Variants in HS3ST5 observed in about 807,000 individuals in gnomAD.
The protein encoded by HS3ST5 is heparan sulfate-glucosamine 3-sulfotransferase 5.
HS3ST5 carries 10 observed loss-of-function variants against 25.4 expected under a neutral mutation model. The ratio of observed to expected loss-of-function variants is 0.39; its 90% CI spans 0.24 to 0.67. The LOEUF is 0.67. Ranked by LOEUF, HS3ST5 falls within the 30% of genes least tolerant of loss-of-function variation. HS3ST5 has a pLI of 0.44. For synonymous variants in HS3ST5, 170 were observed against 162.4 expected (o/e 1.05, Z -0.36); for missense variants, 324 against 420.7 (o/e 0.77, Z 2.01).
chr6:114,076,768 C>A, intron 3 of HS3ST5, among the ~76,000 whole-genome samples: 1 of 152,078 alleles, frequency 6.6e-6, no homozygotes, highest in East Asian at 1.9e-4. Context: ...GAACAGGGCA[C>A]AAAAAGCAGT....
intron 2 of HS3ST5, among the ~76,000 whole-genome samples, chr6:114,195,658 T>C (rs903116706): frequency 6.6e-6 from 1 of 152,076 alleles, no homozygotes; most frequent in East Asian, 1.9e-4. Context: ...TTAATAAATA[T>C]GCAATTAGGT....
chr6:114,228,894 T>G (rs1383496965), intron 1 of HS3ST5, 116 bp from the exon 2 acceptor site: 1 of 152,248 alleles, frequency 6.6e-6, no homozygotes, highest in Admixed American at 6.5e-5. Flanking sequence ...TGCTGCTCCC[T>G]GATTTAGCAG....
intron 1 of HS3ST5, among the ~76,000 whole-genome samples, chr6:114,318,041 C>T (rs193040497): frequency 5.3e-5 from 8 of 152,226 alleles, no homozygotes; most frequent in African/African-American, 1.2e-4. Flanking sequence ...ATACAACTGG[C>T]GAGAGTTAAG....
chr6:114,179,043 G>A (rs922166556), intron 2 of HS3ST5: 1 of 152,184 alleles, frequency 6.6e-6, no homozygotes, highest in East Asian at 1.9e-4. Flanking sequence ...TCCCAGTCAA[G>A]GACTGTATGA....
Position 114,090,664 on chromosome 6 carries a change from A to G in HS3ST5, c.-32-27787T>C, listed in dbSNP as rs543417349. 2.6e-5 allele frequency among the ~76,000 whole-genome samples: 4 copies of G among 152,246 alleles called. No homozygotes were observed. In the East Asian group the frequency reaches 7.7e-4, roughly 29 times the overall value. On this transcript the variant is annotated intron_variant, in intron 3 of 4. Coordinates refer to ENST00000312719, the MANE Select transcript of HS3ST5 (RefSeq NM_153612.4). ...TTCTCCCATTTCCTTTTTGGGTACTATGGATAGTTTGCAAAAAAATGCCAA... is the reference window on the plus strand; with the variant it reads ...TTCTCCCATTTCCTTTTTGGGTACTGTGGATAGTTTGCAAAAAAATGCCAA...
chr6:114,103,592 A>T (rs1480944350), intron 3 of HS3ST5, among the ~76,000 whole-genome samples: 3 of 148,298 alleles, frequency 2.0e-5, no homozygotes, highest in African/African-American at 4.9e-5. Context: ...TTTTAAATTA[A>T]TTTTTTTTTT....
intron 1 of HS3ST5, among the ~76,000 whole-genome samples, chr6:114,258,725 A>G (rs999655822): frequency 1.3e-5 from 2 of 152,072 alleles, no homozygotes; most frequent in African/African-American, 2.4e-5. Flanking sequence ...ACTGTTGGGT[A>G]TTCTGACCTC....
At chr6:114,261,720 T>C (rs773401205) in intron 1 of HS3ST5, among the ~76,000 whole-genome samples, 5 of 152,222 alleles carry the variant, frequency 3.3e-5, no homozygotes, top group African/African-American at 4.8e-5. Flanking sequence ...TTAATATTCT[T>C]ACATTAGATA....
intron 2 of HS3ST5, among the ~76,000 whole-genome samples, chr6:114,227,490 C>A (rs967077143): frequency 1.4e-4 from 21 of 151,854 alleles, no homozygotes; most frequent in East Asian, 9.7e-4. Flanking sequence ...ATAAAAAAAA[C>A]CTTTTGTAAA....
chr6:114,140,358 T>C (rs1478509864), intron 3 of HS3ST5, among the ~76,000 whole-genome samples: 1 of 152,210 alleles, frequency 6.6e-6, no homozygotes, highest in African/African-American at 2.4e-5. Context: ...TTAACATAAA[T>C]GCATTTAAAA....
In HS3ST5 at chr6:114,342,618, G is replaced by A. The variant is rs1776936136; in HGVS notation, c.-762C>T. 6.5e-6 allele frequency: 1 copy of A among 153,404 alleles called. No individual in the cohort carries two copies. Among genetic ancestry groups the A allele is most frequent in the African/African-American group, 2.4e-5 (1 of 41,566 alleles). The allele number at this position is 153,404 out of a possible 1,614,324, so 9.5% of individuals were successfully genotyped here. On this transcript the variant is annotated 5_prime_UTR_variant, in exon 1 of 5. Transcript: ENST00000312719. ...AGGAGCCGGAGTCCGCGCAGTGCCG[G>A]AGACCGCAGCCGCTCTGCGGGGGGA...
At chr6:114,142,608 A>G (rs1777965557) in intron 3 of HS3ST5, among the ~76,000 whole-genome samples, 1 of 152,250 alleles carries the variant, frequency 6.6e-6, no homozygotes, top group African/African-American at 2.4e-5. Flanking sequence ...ATCAATAGAT[A>G]TAATCATCTT....
At chr6:114,143,332 A>C (rs1215892257) in intron 3 of HS3ST5, among the ~76,000 whole-genome samples, 3 of 152,216 alleles carry the variant, frequency 2.0e-5, no homozygotes. Context: ...CTAGCATAAT[A>C]ATGATTATCA....
intron 2 of HS3ST5, among the ~76,000 whole-genome samples, chr6:114,188,665 G>T (rs1261329272): frequency 6.6e-6 from 1 of 151,852 alleles, no homozygotes; most frequent in African/African-American, 2.4e-5. Flanking sequence ...TTGAAATTTT[G>T]GCTTTAGGCA....
At chr6:114,307,443 A>G (rs1201723671) in intron 1 of HS3ST5, among the ~76,000 whole-genome samples, 1 of 149,088 alleles carries the variant, frequency 6.7e-6, no homozygotes, top group Non-Finnish European at 1.5e-5. Context: ...TTTTTTCTTT[A>G]ATAAGAAATG....
At chr6:114,341,044 A>G (rs2114947750) in intron 1 of HS3ST5, among the ~76,000 whole-genome samples, 1 of 151,776 alleles carries the variant, frequency 6.6e-6, no homozygotes, top group South Asian at 2.1e-4. Flanking sequence ...AGTGCTATTA[A>G]ATGTATCCAC....
rs375300159 is a variant in HS3ST5, at chr6:114,261,917, C to G, written c.-338-33139G>C. ...CTGAATGAGGAAGACAGTCTGTGTCCTCGTGGAACTTACTGTCTACTGGAC... is the reference window on the plus strand; with the variant it reads ...CTGAATGAGGAAGACAGTCTGTGTCGTCGTGGAACTTACTGTCTACTGGAC... On this transcript the variant is annotated intron_variant, in intron 1 of 4. Transcript: ENST00000312719. 8.5e-5 allele frequency among the ~76,000 whole-genome samples: 13 copies of G among 152,256 alleles called. No individual in the cohort carries two copies. In the East Asian group the frequency reaches 1.4e-3, roughly 16 times the overall value.
intron 2 of HS3ST5, among the ~76,000 whole-genome samples, chr6:114,174,200 AT>A (rs1482434542): frequency 1.3e-5 from 2 of 151,856 alleles, no homozygotes; most frequent in Non-Finnish European, 2.9e-5. Flanking sequence ...AGCCTGGCTA[AT>A]TTCTCCTCTT....
chr6:114,301,655 G>A (rs1582799936), intron 1 of HS3ST5, among the ~76,000 whole-genome samples: 1 of 152,020 alleles, frequency 6.6e-6, no homozygotes, highest in African/African-American at 2.4e-5. Flanking sequence ...CTCTACCTGG[G>A]GCTGAATCCT....
Sources: allele counts gnomAD v4.1 joint callset (sites outside exome capture counted in the v4.1 genomes callset), GRCh38; gene constraint gnomAD v4.1.1; transcripts MANE v1.5; gene names NCBI Gene and HGNC (gene_info 2026-07-23, HGNC 2026-07-21).